PARD3: variants seen among roughly 807,000 people sequenced by gnomAD.
The protein encoded by PARD3 is partitioning defective 3 homolog.
Under a neutral mutation model 155.4 loss-of-function variants are expected in PARD3, and 75 were observed. That is an observed-to-expected ratio of 0.48 (90% CI 0.40 to 0.58). PARD3 has a LOEUF of 0.58. PARD3 is among the 20% of genes least tolerant of loss of function. The probability of loss-of-function intolerance (pLI) is 0.00; values close to 1 mark genes in which losing one functional copy is unlikely to be tolerated. For synonymous variants in PARD3, 576 were observed against 610.5 expected, an observed-to-expected ratio of 0.94 and a Z score of 0.83; for missense variants, 1,642 against 1,721.7, an observed-to-expected ratio of 0.95 and a Z score of 0.82.
In PARD3 at chr10:34,162,567, T is replaced by C. The variant is rs150017404; in HGVS notation, c.3420-30984A>G. On this transcript the variant is annotated intron_variant, in intron 22 of 24. Transcript: ENST00000374788. ...GCAGTGCCTACTATGCTATGTGTTA[T>C]GCATAAAGTGATCACTAGAAGAGTA... 7.4e-4 allele frequency among the ~76,000 whole-genome samples: 113 copies of C among 152,320 alleles called. 1 individual carries two copies. Among genetic ancestry groups the C allele is most frequent in the African/African-American group, 2.7e-3 (111 of 41,576 alleles).
intron 3 of PARD3, among the ~76,000 whole-genome samples, chr10:34,472,310 C>T (rs2078404556): frequency 6.6e-6 from 1 of 151,926 alleles, no homozygotes; most frequent in South Asian, 2.1e-4. Context: ...AATTTACACC[C>T]CCCAAAATAA....
chr10:34,535,317 G>T (rs118094087), intron 2 of PARD3, among the ~76,000 whole-genome samples: 1 of 152,142 alleles, frequency 6.6e-6, no homozygotes, highest in East Asian at 1.9e-4. Flanking sequence ...ATCAGAGAAC[G>T]CTGTCTTGGT....
At chr10:34,535,411 AGTATT>A (rs2083154018) in intron 2 of PARD3, among the ~76,000 whole-genome samples, 1 of 152,226 alleles carries the variant, frequency 6.6e-6, no homozygotes, top group African/African-American at 2.4e-5. Context: ...ATGAGACGAG[AGTATT>A]TCAGCATCTT....
At chr10:34,708,265 A>AG (rs1271494508) in intron 1 of PARD3, among the ~76,000 whole-genome samples, 1 of 136,376 alleles carries the variant, frequency 7.3e-6, no homozygotes, top group Non-Finnish European at 1.7e-5. Flanking sequence ...TGATCTTTAA[A>AG]GGAAAAAAAA....
intron 24 of PARD3, among the ~76,000 whole-genome samples, chr10:34,114,683 T>C (rs1415615740): frequency 4.6e-5 from 7 of 152,198 alleles, no homozygotes; most frequent in Non-Finnish European, 1.0e-4. Context: ...CTTCCTTGGT[T>C]GGAGGGATTG....
intron 22 of PARD3, among the ~76,000 whole-genome samples, chr10:34,242,866 C>T (rs1342703115): frequency 2.0e-5 from 3 of 152,016 alleles, no homozygotes; most frequent in African/African-American, 2.4e-5. Flanking sequence ...ATCTGGGAGG[C>T]GGAGGTTGTA....
intron 2 of PARD3, among the ~76,000 whole-genome samples, chr10:34,639,677 G>C (rs1467632192): frequency 1.3e-5 from 2 of 152,158 alleles, no homozygotes; most frequent in Admixed American, 1.3e-4. Context: ...GGGCAACAGA[G>C]CAATACCCCA....
chr10:34,691,426 G>A (rs2094059849), intron 2 of PARD3, among the ~76,000 whole-genome samples: 2 of 152,112 alleles, frequency 1.3e-5, no homozygotes, highest in South Asian at 4.1e-4. Flanking sequence ...TAAAAACACT[G>A]CTCAAAGAAA....
rs187428692 is a variant in PARD3, at chr10:34,786,926, G to C, written c.120+27950C>G. On this transcript the variant is annotated intron_variant, in intron 1 of 24. Coordinates refer to ENST00000374788, the MANE Select transcript of PARD3 (RefSeq NM_001184785.2). Reference sequence around the variant, plus strand: ...AAACAAAAAAACTGGTAGATAGACAGTTGCAATGCTCTAAACACATGTTAT... The same window carrying C: ...AAACAAAAAAACTGGTAGATAGACACTTGCAATGCTCTAAACACATGTTAT... 2.9e-3 allele frequency among the ~76,000 whole-genome samples: 437 copies of C among 152,242 alleles called. 3 individuals are homozygous for C. The highest frequency in any genetic ancestry group is 9.9e-3 in the African/African-American group (411 of 41,508).
chr10:34,343,912 T>C lies in PARD3; in HGVS notation c.2219-2096A>G, dbSNP rs557390160. 14 of 982,444 alleles carry C rather than the reference T, an allele frequency of 1.4e-5. No individual in the cohort carries two copies. In the South Asian group the frequency reaches 5.2e-4, roughly 36 times the overall value. 60.9% of individuals were successfully genotyped at this position (982,444 alleles called of 1,614,324 possible). The stretch of plus-strand genomic sequence containing the variant: ...ACATTTATTCATTGGCAAATTTACA[T>C]AGAAGGTAACACCACACATGATACT... On this transcript the variant is annotated intron_variant, in intron 15 of 24. Transcript: ENST00000374788.
intron 1 of PARD3, among the ~76,000 whole-genome samples, chr10:34,787,199 A>G (rs7912348): frequency 0.35 from 53,638 of 151,958 alleles, 10,611 homozygotes; most frequent in African/African-American, 0.55. Flanking sequence ...ACCAATGTGG[A>G]AAAACCCCAA....
chr10:34,458,147 G>C (rs2077433853), intron 4 of PARD3, among the ~76,000 whole-genome samples: 1 of 151,928 alleles, frequency 6.6e-6, no homozygotes, highest in Non-Finnish European at 1.5e-5. Context: ...GTAAAATGTT[G>C]GCTTTAAAAT....
At chr10:34,411,613 T>C (rs988671180) in intron 5 of PARD3, among the ~76,000 whole-genome samples, 1 of 152,066 alleles carries the variant, frequency 6.6e-6, no homozygotes, top group African/African-American at 2.4e-5. Flanking sequence ...CACCATTGGT[T>C]CTCCTGGGGG....
chr10:34,444,098 GCT>G (rs1312419791), intron 5 of PARD3, among the ~76,000 whole-genome samples: 1 of 152,156 alleles, frequency 6.6e-6, no homozygotes, highest in Non-Finnish European at 1.5e-5. Context: ...CATGGATTTT[GCT>G]CTAAAGGTCA....
chr10:34,269,564 C>A, intron 22 of PARD3, 93 bp downstream of exon 22: 1 of 1,407,818 alleles, frequency 7.1e-7, no homozygotes, highest in Non-Finnish European at 9.7e-7. Flanking sequence ...AAAGGCAATT[C>A]TGGTTTGAGG....
At chr10:34,261,062 A>G (rs1954932092) in intron 22 of PARD3, among the ~76,000 whole-genome samples, 1 of 152,092 alleles carries the variant, frequency 6.6e-6, no homozygotes, top group Non-Finnish European at 1.5e-5. Context: ...AAGCAGGGGG[A>G]GTCTAGCCTA....
rs146724748 is a variant in PARD3, at chr10:34,754,024, T to A, written c.121-57605A>T. On this transcript the variant is annotated intron_variant, in intron 1 of 24. Transcript: ENST00000374788. ...TATGGAATTCTGGTTTTATTTATTT[T>A]TTTTTTTTTAGAGACATCGTCTCCT... 7.5e-3 allele frequency among the ~76,000 whole-genome samples: 1,140 copies of A among 152,270 alleles called. 17 individuals carry two copies. Among genetic ancestry groups the A allele is most frequent in the African/African-American group, 0.025 (1,042 of 41,526 alleles).
rs111488359 is a variant in PARD3 at position 34,465,178 on chromosome 10, T to C, written c.582+4907A>G. Among the ~76,000 whole-genome samples, 887 of 152,312 alleles carry C rather than the reference T, an allele frequency of 5.8e-3. 9 individuals carry two copies. Among genetic ancestry groups the C allele is most frequent in the African/African-American group, 0.02 (845 of 41,568 alleles). ...GACACAACCATTGTTTTTTTGTTGTTGTTCCAAATATTTTCAATCTAATCT... is the reference window on the plus strand; with the variant it reads ...GACACAACCATTGTTTTTTTGTTGTCGTTCCAAATATTTTCAATCTAATCT... On this transcript the variant is annotated intron_variant, in intron 4 of 24. Coordinates refer to ENST00000374788, the MANE Select transcript of PARD3 (RefSeq NM_001184785.2).
intron 2 of PARD3, among the ~76,000 whole-genome samples, chr10:34,521,729 C>T (rs150660578): frequency 1.1e-4 from 16 of 152,264 alleles, no homozygotes; most frequent in African/African-American, 3.1e-4. Context: ...ACATCAGAAC[C>T]CCCCAACAGA....
Sources: allele counts gnomAD v4.1 joint callset (sites outside exome capture counted in the v4.1 genomes callset), GRCh38; gene constraint gnomAD v4.1.1; transcripts MANE v1.5; gene names NCBI Gene and HGNC (gene_info 2026-07-23, HGNC 2026-07-21).